LYST: variants seen among roughly 807,000 people sequenced by gnomAD.
LYST encodes lysosomal-trafficking regulator.
LYST carries 192 observed loss-of-function variants against 413.6 expected under a neutral mutation model. The ratio of observed to expected loss-of-function variants is 0.46; its 90% CI spans 0.41 to 0.52. The LOEUF (loss-of-function observed/expected upper bound fraction) is 0.52, where lower values mean the gene tolerates loss of function less well. Ranked by LOEUF, LYST falls within the 20% of genes least tolerant of loss-of-function variation. The pLI is 0.00. For synonymous variants in LYST, 1,525 were observed against 1,567.3 expected (o/e 0.97, Z 0.64); for missense variants, 3,815 against 4,499.9 (o/e 0.85, Z 4.35).
intron 7 of LYST, 41 bp from the exon 8 acceptor site, chr1:235,803,105 T>C (rs1056384669): frequency 1.8e-5 from 28 of 1,516,830 alleles, no homozygotes; most frequent in Non-Finnish European, 2.6e-5. Flanking sequence ...CATTTGCTTG[T>C]TTTTAGTAAT....
chr1:235,674,806 G>A lies in LYST; in HGVS notation c.11038+2285C>T, dbSNP rs1186786423. ...AAAACAATCACAAAAGCCCTACAGG[G>A]CCTTACCACCCTAGCAAATAAATTA... On this transcript the variant is annotated intron_variant, in intron 50 of 52. Transcript: ENST00000389793. The surrounding 1 kb of genome is among the most constrained non-coding windows in gnomAD (Gnocchi z 4.1). Among the ~76,000 whole-genome samples the A allele has an allele frequency of 6.6e-6, 1 of 152,136 alleles. No homozygotes were observed. The highest frequency in any genetic ancestry group is 1.5e-5 in the Non-Finnish European group (1 of 68,030).
chr1:235,715,151 T>C (rs1662722851), intron 42 of LYST, 50 bp downstream of exon 42: 6 of 1,400,184 alleles, frequency 4.3e-6, no homozygotes, highest in Non-Finnish European at 6.1e-6. Flanking sequence ...GTTGTTGTTG[T>C]TGTTTCTGAT....
At chr1:235,752,402 T>C (rs1666587603) in intron 26 of LYST, among the ~76,000 whole-genome samples, 1 of 152,106 alleles carries the variant, frequency 6.6e-6, no homozygotes, top group South Asian at 2.1e-4. Context: ...TACATAGTTT[T>C]ACAGAGAACT....
At chr1:235,723,262 T>C (rs981585916) in intron 39 of LYST, among the ~76,000 whole-genome samples, 1 of 152,198 alleles carries the variant, frequency 6.6e-6, no homozygotes, top group Non-Finnish European at 1.5e-5. Context: ...GACTTCTAAA[T>C]GGAGACATCA....
chr1:235,676,301 C>G (rs28454642), intron 50 of LYST, among the ~76,000 whole-genome samples: 1 of 152,010 alleles, frequency 6.6e-6, no homozygotes, highest in Non-Finnish European at 1.5e-5. Flanking sequence ...ATAAAATTTA[C>G]GGGAGGCCAA....
intron 25 of LYST, among the ~76,000 whole-genome samples, chr1:235,754,863 C>T (rs1666857407): frequency 6.6e-6 from 1 of 151,056 alleles, no homozygotes; most frequent in South Asian, 2.1e-4. Context: ...GGCTTGAGGT[C>T]AGGAGTTTGA....
At chr1:235,781,260 T>A (rs1379647830) in intron 15 of LYST, among the ~76,000 whole-genome samples, 1 of 152,198 alleles carries the variant, frequency 6.6e-6, no homozygotes, top group Non-Finnish European at 1.5e-5. Context: ...AATTAATGTA[T>A]ATAAAGTTAA....
At chr1:235,860,633 T>G (rs2103160364) in intron 1 of LYST, among the ~76,000 whole-genome samples, 1 of 152,358 alleles carries the variant, frequency 6.6e-6, no homozygotes, top group East Asian at 1.9e-4. Context: ...TGATATGCAC[T>G]AAAGATTTCT....
intron 23 of LYST, 68 bp downstream of exon 23, chr1:235,758,904 G>A: frequency 1.4e-6 from 2 of 1,456,862 alleles, no homozygotes; most frequent in Non-Finnish European, 1.9e-6. Flanking sequence ...GACGTTTCCA[G>A]AGGGGTAGAG....
At chr1:235,877,526 C>A (rs1229869980) in intron 1 of LYST, among the ~76,000 whole-genome samples, 1 of 152,130 alleles carries the variant, frequency 6.6e-6, no homozygotes, top group Non-Finnish European at 1.5e-5. Context: ...CCTGCCTCTG[C>A]CTCCCGAGTA....
At position 235,702,927 on chromosome 1, in the gene LYST, T is replaced by G. The variant is rs375597373; in HGVS notation, c.10194A>C (p.Arg3398=). 6.2e-7 allele frequency: 1 copy of G among 1,614,070 alleles called. No homozygotes were observed. The change falls in exon 45 of 53, where the codon CGA becomes CGC. Residue 3398 remains arginine (R), a synonymous_variant. Transcript: ENST00000389793. Reference sequence around the variant, plus strand: ...AGGTTTTTATCATGGTTTCTAGCGCTCGTCTCTGAACTGGATCTTCAACTG... The same window carrying G: ...AGGTTTTTATCATGGTTTCTAGCGCGCGTCTCTGAACTGGATCTTCAACTG... ...VSAVEDPVQR[R]ALETMIKTYG...
At position 235,778,098 on chromosome 1, in the gene LYST, AATATATAT is replaced by A. The variant is rs139907712; in HGVS notation, c.5215-798_5215-791del. 7.0e-5 allele frequency among the ~76,000 whole-genome samples: 9 copies of A among 128,036 alleles called. 2 individuals carry two copies. The highest frequency in any genetic ancestry group is 2.6e-4 in the African/African-American group (7 of 26,686). 84.0% of individuals were successfully genotyped at this position (128,036 alleles called of 152,430 possible). ...CCACCACACCCAGTTAACCCAGTTA[AATATATAT>A]ATATATATATATATATTTTTGTAGA... On this transcript the variant is annotated intron_variant, in intron 16 of 52. Transcript: ENST00000389793.
At chr1:235,763,876 A>G (rs1667845303) in intron 21 of LYST, among the ~76,000 whole-genome samples, 2 of 152,058 alleles carry the variant, frequency 1.3e-5, no homozygotes, top group Admixed American at 1.3e-4. Context: ...CTTGATGAGC[A>G]TCTCATTACT....
In LYST at chr1:235,733,984, A is replaced by G. The variant is rs960718451; in HGVS notation, c.8536-78T>C. On this transcript the variant is annotated intron_variant, in intron 32 of 52. Coordinates refer to ENST00000389793, the MANE Select transcript of LYST (RefSeq NM_000081.4). ...ACATTGTCACAGAGCCCAACAAACTAATTTTAAAACCCAGTTAACAAAGGA... is the reference window on the plus strand; with the variant it reads ...ACATTGTCACAGAGCCCAACAAACTGATTTTAAAACCCAGTTAACAAAGGA... The G allele has an allele frequency of 8.3e-6, 6 of 721,310 alleles. No homozygotes were observed. The African/African-American group carries it at 9.1e-5, about 11-fold the overall frequency. The allele number at this position is 721,310 out of a possible 1,614,324, so 44.7% of individuals were successfully genotyped here.
chr1:235,672,060 T>C (rs1658986418), intron 50 of LYST, among the ~76,000 whole-genome samples: 1 of 151,654 alleles, frequency 6.6e-6, no homozygotes, highest in African/African-American at 2.4e-5. Context: ...AGGAGAAGAG[T>C]AAAGGATGAC....
At chr1:235,834,860 A>T (rs1002124330) in intron 1 of LYST, among the ~76,000 whole-genome samples, 1 of 152,124 alleles carries the variant, frequency 6.6e-6, no homozygotes, top group East Asian at 1.9e-4. Flanking sequence ...CCTGGAATAG[A>T]GTCCTAACAC....
chr1:235,775,105 G>A lies in LYST; in HGVS notation c.5461-19C>T. The A allele has an allele frequency of 6.3e-7, 1 of 1,591,542 alleles. No individual in the cohort carries two copies. Among genetic ancestry groups the A allele is most frequent in the East Asian group, 2.2e-5 (1 of 44,590 alleles). On this transcript the variant is annotated intron_variant, in intron 17 of 52. Transcript: ENST00000389793. ...CAACAACCTAAAAAAAAAAATGGGT[G>A]GATATAGTTTTCTCCCAATTTGCTG... is the stretch of plus-strand genomic sequence containing the variant.
At chr1:235,773,357 G>A (rs984961543) in intron 19 of LYST, among the ~76,000 whole-genome samples, 1 of 151,664 alleles carries the variant, frequency 6.6e-6, no homozygotes, top group Non-Finnish European at 1.5e-5. Flanking sequence ...ACAAAAAAAC[G>A]AGTATATGCT....
At chr1:235,748,277 C>A (rs1666118792) in intron 28 of LYST, among the ~76,000 whole-genome samples, 1 of 152,016 alleles carries the variant, frequency 6.6e-6, no homozygotes, top group African/African-American at 2.4e-5. Flanking sequence ...CTACTTCTAC[C>A]TTCATGCATT....
Sources: gnomAD v4.1 joint callset for allele counts (sites outside exome capture counted in the v4.1 genomes callset) on GRCh38, gnomAD v4.1.1 for gene constraint, Gnocchi (gnomAD v3.1) non-coding constraint, MANE v1.5 for transcripts, NCBI Gene and HGNC (gene_info 2026-07-23, HGNC 2026-07-21) for gene names.